Variants in CDH9 observed in about 807,000 individuals in gnomAD.
CDH9 encodes cadherin-9.
In CDH9, 28 loss-of-function variants were observed where a neutral mutation model predicts 70.9. That is an observed-to-expected ratio of 0.40 (90% CI 0.29 to 0.54). The LOEUF (loss-of-function observed/expected upper bound fraction) is 0.54. Ranked by LOEUF, CDH9 falls within the 20% of genes least tolerant of loss-of-function variation. CDH9 has a pLI of 0.59. For synonymous variants in CDH9, 409 were observed against 343.1 expected (o/e 1.19, Z -2.12); for missense variants, 874 against 984.4 (o/e 0.89, Z 1.50).
rs1435161290 is a variant in CDH9 at position 26,941,201 on chromosome 5, AT to A, written c.229-25278del. ...TCTTGCTAGCTATAAACAATGATGA[AT>A]AATCAGTCCACCTGATTCTGGGAAC... On this transcript the variant is annotated intron_variant, in intron 2 of 11. Transcript: ENST00000231021. 2.0e-5 allele frequency among the ~76,000 whole-genome samples: 3 copies of A among 152,360 alleles called. No individual in the cohort carries two copies. In the East Asian group the frequency reaches 5.8e-4, roughly 29 times the overall value.
intron 2 of CDH9, among the ~76,000 whole-genome samples, chr5:26,947,946 A>G (rs1741781468): frequency 6.6e-6 from 1 of 152,202 alleles, no homozygotes; most frequent in Admixed American, 6.5e-5. Context: ...AATAAATACT[A>G]TTTATGGATG....
intron 2 of CDH9, among the ~76,000 whole-genome samples, chr5:26,939,659 C>T (rs1741624317): frequency 6.6e-6 from 1 of 151,854 alleles, no homozygotes; most frequent in African/African-American, 2.4e-5. Context: ...CTTTTTGGCA[C>T]AATTATCCTA....
chr5:26,928,419 T>C (rs1483704135), intron 2 of CDH9, among the ~76,000 whole-genome samples: 1 of 151,980 alleles, frequency 6.6e-6, no homozygotes, highest in East Asian at 1.9e-4. Context: ...TCCACACTAC[T>C]CAAAGCAATA....
intron 7 of CDH9, among the ~76,000 whole-genome samples, chr5:26,900,574 T>A (rs970996908): frequency 1.3e-5 from 2 of 152,056 alleles, no homozygotes; most frequent in Non-Finnish European, 2.9e-5. Flanking sequence ...CATGGATTAT[T>A]AAAAAGATTT....
intron 2 of CDH9, among the ~76,000 whole-genome samples, chr5:26,937,310 A>C (rs1261834445): frequency 6.6e-6 from 1 of 152,156 alleles, no homozygotes; most frequent in Non-Finnish European, 1.5e-5. Flanking sequence ...AAACTAAAAC[A>C]ATGAGACAGC....
intron 2 of CDH9, among the ~76,000 whole-genome samples, chr5:26,918,060 T>A (rs1741178207): frequency 6.6e-6 from 1 of 152,178 alleles, no homozygotes; most frequent in African/African-American, 2.4e-5. Context: ...TAACCTTATT[T>A]ATACATCCAG....
chr5:26,959,711 A>G (rs1742002313), intron 2 of CDH9, among the ~76,000 whole-genome samples: 1 of 152,076 alleles, frequency 6.6e-6, no homozygotes, highest in Admixed American at 6.5e-5. Context: ...GTGTTGATAA[A>G]CCTCAAAAAC....
chr5:26,892,354 G>GTC lies in CDH9; in HGVS notation c.1254-1792_1254-1791dup, dbSNP rs1320723598. On this transcript the variant is annotated intron_variant, in intron 7 of 11. Transcript: ENST00000231021. ...TTAAAAACAGAGTTTGATTCAGTAGGTCTGGGGTGGGAGCTGAGATTGTGC... is the reference window on the plus strand; with the variant it reads ...TTAAAAACAGAGTTTGATTCAGTAGGTCTCTGGGGTGGGAGCTGAGATTGTGC... 2.0e-5 allele frequency among the ~76,000 whole-genome samples: 3 copies of GTC among 152,108 alleles called. No homozygotes were observed. The East Asian group carries it at 5.8e-4, about 29-fold the overall frequency.
intron 1 of CDH9, among the ~76,000 whole-genome samples, chr5:27,019,484 A>G (rs1743100676): frequency 6.6e-6 from 1 of 151,990 alleles, no homozygotes; most frequent in Non-Finnish European, 1.5e-5. Context: ...ACTCTAGTCT[A>G]TCATTAGAAA....
At chr5:27,025,749 C>A (rs1341586464) in intron 1 of CDH9, among the ~76,000 whole-genome samples, 1 of 152,010 alleles carries the variant, frequency 6.6e-6, no homozygotes, top group Non-Finnish European at 1.5e-5. Flanking sequence ...AAGTCTAGAA[C>A]AACAGGTTCT....
chr5:26,913,847 A>G (rs1464969446), intron 3 of CDH9, among the ~76,000 whole-genome samples: 1 of 151,550 alleles, frequency 6.6e-6, no homozygotes, highest in East Asian at 1.9e-4. Context: ...ACCTAGTTGT[A>G]TTAGTATTTC....
At chr5:26,914,036 T>G (rs1741102232) in intron 3 of CDH9, among the ~76,000 whole-genome samples, 1 of 152,008 alleles carries the variant, frequency 6.6e-6, no homozygotes. Context: ...AGTGGGGTAC[T>G]TCTTTGAAAT....
chr5:26,994,742 T>C (rs1742639379), intron 1 of CDH9, among the ~76,000 whole-genome samples: 1 of 152,162 alleles, frequency 6.6e-6, no homozygotes, highest in Non-Finnish European at 1.5e-5. Context: ...CTATGGTATC[T>C]TGATATAGCA....
chr5:27,020,769 A>T (rs892148083), intron 1 of CDH9, among the ~76,000 whole-genome samples: 1 of 151,194 alleles, frequency 6.6e-6, no homozygotes, highest in Non-Finnish European at 1.5e-5. Context: ...ATATATGCCT[A>T]GTGTTCAATA....
intron 1 of CDH9, among the ~76,000 whole-genome samples, chr5:26,990,429 A>G (rs1742561714): frequency 6.6e-6 from 1 of 152,188 alleles, no homozygotes; most frequent in Non-Finnish European, 1.5e-5. Flanking sequence ...CCAGAATTAC[A>G]GTAATACAAA....
intron 2 of CDH9, among the ~76,000 whole-genome samples, chr5:26,962,204 T>G (rs2112062114): frequency 6.6e-6 from 1 of 152,304 alleles, no homozygotes; most frequent in South Asian, 2.1e-4. Context: ...ATTTGGCACA[T>G]TTTCTTTATC....
chr5:26,901,876 T>C (rs924257141), intron 7 of CDH9, among the ~76,000 whole-genome samples: 1 of 151,966 alleles, frequency 6.6e-6, no homozygotes, highest in Non-Finnish European at 1.5e-5. Context: ...TCTTATTCAC[T>C]TAAATGTCAT....
chr5:26,952,489 G>T (rs1378957563), intron 2 of CDH9, among the ~76,000 whole-genome samples: 3 of 52,724 alleles, frequency 5.7e-5, no homozygotes, highest in Non-Finnish European at 1.4e-4. Context: ...AAAAAAAAAA[G>T]CCGGGCGTGG....
At chr5:26,934,501 G>C (rs1414991251) in intron 2 of CDH9, among the ~76,000 whole-genome samples, 1 of 152,092 alleles carries the variant, frequency 6.6e-6, no homozygotes, top group East Asian at 1.9e-4. Flanking sequence ...TTCACTCCTG[G>C]GAGAATAGCA....
Sources: gnomAD v4.1 joint callset for allele counts (sites outside exome capture counted in the v4.1 genomes callset) on GRCh38, gnomAD v4.1.1 for gene constraint, MANE v1.5 for transcripts, NCBI Gene and HGNC (gene_info 2026-07-23, HGNC 2026-07-21) for gene names.